Variants in SHISA9 observed in about 807,000 individuals in gnomAD.
The protein encoded by SHISA9 is shisa family member 9.
Under a neutral mutation model 38.0 loss-of-function variants are expected in SHISA9, and 13 were observed. That is an observed-to-expected ratio of 0.34 (90% CI 0.22 to 0.54). The LOEUF (loss-of-function observed/expected upper bound fraction) is 0.54, where lower values mean the gene tolerates loss of function less well. Among genes scored for constraint, SHISA9 ranks in the 20% least tolerant of loss-of-function variants. SHISA9 has a pLI of 0.91. For synonymous variants in SHISA9, 275 were observed against 242.0 expected, an observed-to-expected ratio of 1.14 and a Z score of -1.27; for missense variants, 538 against 575.8, an observed-to-expected ratio of 0.93 and a Z score of 0.67.
At chr16:13,215,397 C>T (rs541735002) in intron 4 of SHISA9, among the ~76,000 whole-genome samples, 1 of 152,296 alleles carries the variant, frequency 6.6e-6, no homozygotes, top group Admixed American at 6.5e-5. Flanking sequence ...TGGCTGTTGC[C>T]TTCAGAGAGA....
At chr16:12,959,208 T>A (rs918974784) in intron 2 of SHISA9, among the ~76,000 whole-genome samples, 1 of 152,232 alleles carries the variant, frequency 6.6e-6, no homozygotes, top group African/African-American at 2.4e-5. Flanking sequence ...AATATTTTAC[T>A]GGATTAATAA....
At chr16:13,086,128 C>T (rs908945017) in intron 2 of SHISA9, among the ~76,000 whole-genome samples, 22 of 151,942 alleles carry the variant, frequency 1.4e-4, no homozygotes, top group African/African-American at 4.6e-4. Context: ...GAGGCCGAGG[C>T]GGGCAGATCA....
At chr16:12,981,852 G>T (rs1010916425) in intron 2 of SHISA9, among the ~76,000 whole-genome samples, 3 of 152,194 alleles carry the variant, frequency 2.0e-5, no homozygotes, top group African/African-American at 7.2e-5. Context: ...AAAGGGAAAA[G>T]ACTGTGTGAA....
At chr16:13,100,996 C>A (rs773925263) in intron 2 of SHISA9, among the ~76,000 whole-genome samples, 1 of 152,182 alleles carries the variant, frequency 6.6e-6, no homozygotes, top group Non-Finnish European at 1.5e-5. Context: ...GTGCTCACCC[C>A]GAGTTTGGCT....
At chr16:13,299,400 C>T in the SHISA9 span, among the ~76,000 whole-genome samples, 2 of 152,110 alleles carry the variant, frequency 1.3e-5, no homozygotes, top group East Asian at 1.9e-4. Context: ...TGCTTAAAGT[C>T]GCACAGCTGG....
chr16:13,260,407 C>T, the SHISA9 span, among the ~76,000 whole-genome samples: 2 of 152,118 alleles, frequency 1.3e-5, no homozygotes, highest in Non-Finnish European at 2.9e-5. Context: ...TTTAACAGTA[C>T]CCAAGTCATC....
the SHISA9 span, among the ~76,000 whole-genome samples, chr16:13,346,790 A>G: frequency 1.3e-5 from 2 of 152,176 alleles, no homozygotes; most frequent in Non-Finnish European, 2.9e-5. Context: ...ACCCCAGTGG[A>G]CTTAATACGT....
At chr16:13,356,685 C>T in the SHISA9 span, among the ~76,000 whole-genome samples, 22 of 151,996 alleles carry the variant, frequency 1.4e-4, no homozygotes, top group South Asian at 2.1e-4. Context: ...GACTCAGCGA[C>T]GCTTGGGGTT....
At chr16:12,910,545 A>G (rs1567335649) in intron 1 of SHISA9, 5 of 985,328 alleles carry the variant, frequency 5.1e-6, no homozygotes, top group Non-Finnish European at 4.8e-6. Context: ...TACTGGTTCT[A>G]GTACTAGCTT....
the SHISA9 span, among the ~76,000 whole-genome samples, chr16:13,285,729 T>G: frequency 1.0e-3 from 155 of 152,212 alleles, 1 homozygote; most frequent in African/African-American, 3.6e-3. Flanking sequence ...AGGCCTGGCT[T>G]AACTGCTTTA....
chr16:13,264,641 C>G, the SHISA9 span, among the ~76,000 whole-genome samples: 76 of 152,174 alleles, frequency 5.0e-4, no homozygotes, highest in African/African-American at 1.8e-3. Context: ...TCTCTTGCTT[C>G]TAGTCTTGAG....
the SHISA9 span, among the ~76,000 whole-genome samples, chr16:13,558,038 G>A: frequency 1.3e-5 from 2 of 152,116 alleles, no homozygotes; most frequent in Non-Finnish European, 2.9e-5. Context: ...TCTAGCCTGG[G>A]TGACAGAGAC....
the SHISA9 span, among the ~76,000 whole-genome samples, chr16:13,509,427 G>C: frequency 6.6e-6 from 1 of 152,084 alleles, no homozygotes; most frequent in African/African-American, 2.4e-5. Context: ...ACCTGAATAA[G>C]GCAGACATGT....
the SHISA9 span, among the ~76,000 whole-genome samples, chr16:13,550,445 T>C: frequency 0.15 from 22,226 of 152,232 alleles, 1,746 homozygotes; most frequent in Middle Eastern, 0.22. Flanking sequence ...CAGCAAAATG[T>C]CCTCGTCATC....
intron 2 of SHISA9, among the ~76,000 whole-genome samples, chr16:13,188,288 C>G (rs1330859085): frequency 6.6e-6 from 1 of 152,218 alleles, no homozygotes; most frequent in Non-Finnish European, 1.5e-5. Context: ...TGCAAACTGC[C>G]TTGACACAGC....
the SHISA9 span, among the ~76,000 whole-genome samples, chr16:13,414,646 C>CTTTTTTTTTTTTTTTTTTTT: frequency 5.1e-5 from 7 of 136,610 alleles, 3 homozygotes; most frequent in East Asian, 2.2e-4. Context: ...TTCTTTCTTT[C>CTTTTTTTTTTTTTTTTTTTT]TTTCTTTTTT....
At chr16:13,380,557 G>T in the SHISA9 span, among the ~76,000 whole-genome samples, 1 of 152,122 alleles carries the variant, frequency 6.6e-6, no homozygotes, top group African/African-American at 2.4e-5. Flanking sequence ...GGGGAGCCTA[G>T]ATTTTTTCTT....
the SHISA9 span, among the ~76,000 whole-genome samples, chr16:13,549,758 C>A: frequency 6.6e-6 from 1 of 152,014 alleles, no homozygotes; most frequent in Admixed American, 6.6e-5. Context: ...GGTGTGGTGG[C>A]TCACACCTGT....
chr16:13,497,379 A>C, the SHISA9 span, among the ~76,000 whole-genome samples: 1 of 152,142 alleles, frequency 6.6e-6, no homozygotes, highest in Non-Finnish European at 1.5e-5. Context: ...CCATCATCAT[A>C]TGAATCAATA....
Sources: gnomAD v4.1 joint callset for allele counts (sites outside exome capture counted in the v4.1 genomes callset) on GRCh38, gnomAD v4.1.1 for gene constraint, MANE v1.5 for transcripts, NCBI Gene and HGNC (gene_info 2026-07-23, HGNC 2026-07-21) for gene names.